Variants in LINGO2 observed in about 807,000 individuals in gnomAD.
LINGO2 encodes the protein leucine-rich repeat and immunoglobulin-like domain-containing nogo receptor-interacting protein 2.
In LINGO2, 14 loss-of-function variants were observed where a neutral mutation model predicts 30.6. The ratio of observed to expected loss-of-function variants is 0.46; its 90% confidence interval spans 0.30 to 0.72. The LOEUF (loss-of-function observed/expected upper bound fraction) is 0.72. Ranked by LOEUF, LINGO2 falls within the 30% of genes least tolerant of loss-of-function variation. The pLI, the probability that LINGO2 is intolerant of heterozygous loss-of-function variation, is 0.07. For missense variants in LINGO2, 729 were observed against 751.7 expected, an observed-to-expected ratio of 0.97 and a Z score of 0.35; for synonymous variants, 317 against 288.5, an observed-to-expected ratio of 1.10 and a Z score of -1.00.
At chr9:28,353,661 C>T (rs1474400555) in intron 3 of LINGO2, among the ~76,000 whole-genome samples, 5 of 152,050 alleles carry the variant, frequency 3.3e-5, no homozygotes, top group Non-Finnish European at 7.3e-5. Context: ...GGATATATAC[C>T]CAGAGGACTA....
At chr9:28,923,905 T>C in the LINGO2 span, among the ~76,000 whole-genome samples, 937 of 152,194 alleles carry the variant, frequency 6.2e-3, 9 homozygotes, top group African/African-American at 0.022. Context: ...GCCAGCTCTG[T>C]ACAGGAAATA....
chr9:28,954,536 A>G, the LINGO2 span, among the ~76,000 whole-genome samples: 126 of 152,296 alleles, frequency 8.3e-4, no homozygotes, highest in Middle Eastern at 3.4e-3. Flanking sequence ...TGCTAGTAAC[A>G]GTCTGGTGTT....
chr9:28,508,325 T>C (rs775161512), intron 1 of LINGO2, among the ~76,000 whole-genome samples: 5 of 152,138 alleles, frequency 3.3e-5, no homozygotes, highest in Non-Finnish European at 7.4e-5. Flanking sequence ...GATGTGCTAT[T>C]CTATGGGGCT....
rs748903346 is a variant in LINGO2, at chr9:28,377,805, A to C, written c.-278-4937T>G. 8.6e-4 allele frequency among the ~76,000 whole-genome samples: 131 copies of C among 152,118 alleles called. 2 individuals are homozygous for C. Among genetic ancestry groups the C allele is most frequent in the Non-Finnish European group, 8.8e-5 (6 of 68,024 alleles). ...GATTAGTTACGGAACAAGGGCTTAC[A>C]TTTTCTGCAATAAATGTAAGGATTT... On this transcript the variant is annotated intron_variant, in intron 2 of 5. Coordinates refer to ENST00000379992, the Ensembl canonical transcript of LINGO2.
the LINGO2 span, among the ~76,000 whole-genome samples, chr9:29,111,929 G>C: frequency 6.7e-6 from 1 of 149,810 alleles, no homozygotes; most frequent in Admixed American, 6.7e-5. Context: ...ATATATGTGT[G>C]TATATATAAT....
At chr9:28,208,297 G>A (rs570458974) in intron 4 of LINGO2, among the ~76,000 whole-genome samples, 2 of 152,156 alleles carry the variant, frequency 1.3e-5, no homozygotes, top group African/African-American at 4.8e-5. Context: ...TGTGGGGTGG[G>A]GGAGGAGAAC....
At chr9:28,904,462 G>C in the LINGO2 span, among the ~76,000 whole-genome samples, 1 of 151,760 alleles carries the variant, frequency 6.6e-6, no homozygotes, top group African/African-American at 2.4e-5. Context: ...AAAAACTTAA[G>C]ACTCCACCAA....
intron 1 of LINGO2, among the ~76,000 whole-genome samples, chr9:28,650,141 T>C (rs954143603): frequency 6.6e-6 from 1 of 151,526 alleles, no homozygotes; most frequent in Non-Finnish European, 1.5e-5. Context: ...TATTAAGAAA[T>C]GAAAAAAAAG....
At chr9:28,036,991 A>G (rs1419172662) in intron 4 of LINGO2, among the ~76,000 whole-genome samples, 1 of 152,214 alleles carries the variant, frequency 6.6e-6, no homozygotes, top group East Asian at 1.9e-4. Flanking sequence ...TACTGCACTT[A>G]GTTACACATT....
Position 27,979,386 on chromosome 9 carries a change from AG to A in LINGO2, c.-35-28681del, listed in dbSNP as rs151063722. On this transcript the variant is annotated intron_variant, in intron 5 of 5. Coordinates refer to ENST00000379992, the Ensembl canonical transcript of LINGO2. ...AAAATTCAGTTAAAAGGAAAGGCCT[AG>A]GGTTGGTATACTCCTGGGTCACTGC... Among the ~76,000 whole-genome samples the A allele has an allele frequency of 1.1e-3, 171 of 152,038 alleles. 1 individual carries two copies. The East Asian group carries it at 0.029, about 26-fold the overall frequency.
intron 4 of LINGO2, chr9:28,149,316 T>C: frequency 1.8e-6 from 1 of 556,410 alleles, no homozygotes; most frequent in Non-Finnish European, 3.2e-6. Context: ...GCCTGCACCA[T>C]CTGGGAAGTG....
At chr9:27,965,584 C>G (rs765543843) in intron 5 of LINGO2, among the ~76,000 whole-genome samples, 1 of 151,972 alleles carries the variant, frequency 6.6e-6, no homozygotes, top group South Asian at 2.1e-4. Flanking sequence ...AAAGCTTGTC[C>G]TAAGTCATTA....
At chr9:28,887,831 G>C in the LINGO2 span, among the ~76,000 whole-genome samples, 1 of 152,116 alleles carries the variant, frequency 6.6e-6, no homozygotes, top group Non-Finnish European at 1.5e-5. Flanking sequence ...CCATATTTAT[G>C]CCAGGATAAT....
chr9:28,428,427 A>G (rs544969990), intron 2 of LINGO2, among the ~76,000 whole-genome samples: 1 of 152,246 alleles, frequency 6.6e-6, no homozygotes, highest in South Asian at 2.1e-4. Context: ...AAAGTATGAG[A>G]TTGTATTAGA....
At chr9:29,026,735 T>C in the LINGO2 span, among the ~76,000 whole-genome samples, 1 of 152,146 alleles carries the variant, frequency 6.6e-6, no homozygotes, top group Non-Finnish European at 1.5e-5. Context: ...TGGAATAGTT[T>C]TGTAATCAGA....
chr9:28,149,827 G>A lies in LINGO2; in HGVS notation c.-86-137422C>T, dbSNP rs533124127. ...TGGGAAGTGACGAGCACCTCTGCCCGGCCGCCTCACGGTATGGGAAGTGAG... is the reference window on the plus strand; with the variant it reads ...TGGGAAGTGACGAGCACCTCTGCCCAGCCGCCTCACGGTATGGGAAGTGAG... On this transcript the variant is annotated intron_variant, in intron 4 of 5. Coordinates refer to ENST00000379992, the Ensembl canonical transcript of LINGO2. Among the ~76,000 whole-genome samples, 20 of 148,556 alleles carry A rather than the reference G, an allele frequency of 1.3e-4. No individual in the cohort carries two copies. The East Asian group carries it at 2.0e-3, about 15-fold the overall frequency.
At chr9:28,766,446 A>AG in the LINGO2 span, among the ~76,000 whole-genome samples, 2 of 114,332 alleles carry the variant, frequency 1.7e-5, no homozygotes, top group Non-Finnish European at 4.3e-5. Context: ...TAAGATGTGA[A>AG]GAAAAAAAAA....
At chr9:29,098,780 A>G in the LINGO2 span, among the ~76,000 whole-genome samples, 1 of 152,192 alleles carries the variant, frequency 6.6e-6, no homozygotes. Flanking sequence ...TATCAAATAT[A>G]TCTGCATTTT....
intron 4 of LINGO2, among the ~76,000 whole-genome samples, chr9:28,117,258 G>A (rs920136337): frequency 2.6e-5 from 4 of 151,706 alleles, no homozygotes; most frequent in Non-Finnish European, 5.9e-5. Context: ...TGAGGAGGCA[G>A]TCTGCCCGTT....
Sources: allele counts gnomAD v4.1 joint callset (sites outside exome capture counted in the v4.1 genomes callset), GRCh38; gene constraint gnomAD v4.1.1; transcripts MANE v1.5; gene names NCBI Gene and HGNC (gene_info 2026-07-23, HGNC 2026-07-21).